Variants in SH2D4B observed in about 807,000 individuals in gnomAD.
The protein encoded by SH2D4B is SH2 domain-containing protein 4B.
A neutral mutation model predicts 61.5 loss-of-function variants in SH2D4B; 45 were observed. The observed-to-expected ratio is 0.73, with a 90% confidence interval of 0.58 to 0.94. The LOEUF is 0.94. Among genes scored for constraint, SH2D4B ranks in the 40% least tolerant of loss-of-function variants. SH2D4B has a pLI of 0.00. For synonymous variants in SH2D4B, 224 were observed against 220.4 expected, an observed-to-expected ratio of 1.02 and a Z score of -0.14; for missense variants, 572 against 574.2, an observed-to-expected ratio of 1.00 and a Z score of 0.04.
chr10:80,566,392 T>C (rs1368336643), intron 1 of SH2D4B, among the ~76,000 whole-genome samples: 1 of 150,964 alleles, frequency 6.6e-6, no homozygotes, highest in African/African-American at 2.4e-5. Context: ...GCCTCCTAGG[T>C]TGAAGCAATT....
At chr10:80,611,348 A>G (rs1157304804) in intron 6 of SH2D4B, among the ~76,000 whole-genome samples, 3 of 152,146 alleles carry the variant, frequency 2.0e-5, no homozygotes, top group Non-Finnish European at 4.4e-5. Flanking sequence ...TACAGTGGAT[A>G]GTTTCGAAGG....
chr10:80,620,912 C>A lies in SH2D4B; in HGVS notation c.988+11361C>A, dbSNP rs116068923. 7.8e-3 allele frequency among the ~76,000 whole-genome samples: 1,195 copies of A among 152,248 alleles called. 16 individuals carry two copies. The highest frequency in any genetic ancestry group is 0.028 in the African/African-American group (1,146 of 41,526). On this transcript the variant is annotated intron_variant, in intron 6 of 7. Coordinates refer to ENST00000646907, the MANE Select transcript of SH2D4B (RefSeq NM_001388272.1). Reference sequence around the variant, plus strand: ...GAGGGCCTAAGTTCCAGACACTATTCTAGACATGAAAATATAGTAGGGGAA... The same window carrying A: ...GAGGGCCTAAGTTCCAGACACTATTATAGACATGAAAATATAGTAGGGGAA...
At position 80,598,126 on chromosome 10, in the gene SH2D4B, G is replaced by T. The variant is rs535515263; in HGVS notation, c.644-5453G>T. Among the ~76,000 whole-genome samples the T allele has an allele frequency of 2.7e-4, 41 of 152,342 alleles. 1 individual carries two copies. The South Asian group carries it at 8.3e-3, about 31-fold the overall frequency. The stretch of plus-strand genomic sequence containing the variant: ...CTGTGCTAGCTCTGCCCACTTACTA[G>T]TGTGGCCTTGAGCAAGCTCTTGCTC... On this transcript the variant is annotated intron_variant, in intron 4 of 7. Coordinates refer to ENST00000646907, the MANE Select transcript of SH2D4B (RefSeq NM_001388272.1).
intron 6 of SH2D4B, among the ~76,000 whole-genome samples, chr10:80,628,901 A>C (rs1238279441): frequency 1.3e-5 from 2 of 151,990 alleles, no homozygotes; most frequent in Non-Finnish European, 2.9e-5. Flanking sequence ...ATAGTGGCGC[A>C]TGCCTGTAAT....
chr10:80,568,703 G>T (rs1394646869), intron 1 of SH2D4B, among the ~76,000 whole-genome samples: 1 of 152,194 alleles, frequency 6.6e-6, no homozygotes, highest in African/African-American at 2.4e-5. Flanking sequence ...ATGAAGAGAT[G>T]CTTTTTCAAT....
intron 6 of SH2D4B, among the ~76,000 whole-genome samples, chr10:80,629,029 CAAA>C (rs55766810): frequency 7.4e-6 from 1 of 135,344 alleles, no homozygotes; most frequent in Admixed American, 7.2e-5. Context: ...GACTCTATCT[CAAA>C]AAAAAAAAAG....
chr10:80,642,558 T>C (rs1840324542), intron 7 of SH2D4B, among the ~76,000 whole-genome samples: 1 of 152,192 alleles, frequency 6.6e-6, no homozygotes, highest in African/African-American at 2.4e-5. Flanking sequence ...ATGCTGGCTG[T>C]CATTCAGATA....
At chr10:80,569,681 C>G (rs1167284871) in intron 1 of SH2D4B, among the ~76,000 whole-genome samples, 1 of 151,418 alleles carries the variant, frequency 6.6e-6, no homozygotes, top group East Asian at 1.9e-4. Context: ...GTGTGTACAC[C>G]CTCTTTGTCT....
At chr10:80,544,154 A>G (rs1395335496) in intron 1 of SH2D4B, among the ~76,000 whole-genome samples, 1 of 152,106 alleles carries the variant, frequency 6.6e-6, no homozygotes, top group Non-Finnish European at 1.5e-5. Flanking sequence ...ATGAGCTGTA[A>G]CAGTCACTGC....
intron 1 of SH2D4B, among the ~76,000 whole-genome samples, chr10:80,549,800 C>T (rs904320427): frequency 6.6e-6 from 1 of 152,186 alleles, no homozygotes; most frequent in Non-Finnish European, 1.5e-5. Context: ...AGCTGCACAA[C>T]CTCGACTTAC....
intron 7 of SH2D4B, among the ~76,000 whole-genome samples, chr10:80,642,229 C>G (rs1160974586): frequency 6.6e-6 from 1 of 152,160 alleles, no homozygotes; most frequent in Non-Finnish European, 1.5e-5. Context: ...GTAGCTGGGA[C>G]TACAGGCATG....
At position 80,644,272 on chromosome 10, in the gene SH2D4B, AC is replaced by A. The variant is rs1840358680; in HGVS notation, c.*188del. On this transcript the variant is annotated 3_prime_UTR_variant, in exon 8 of 8. Transcript: ENST00000646907. ...TACTGGTCTCATCCCAGCGATCGGG[AC>A]AGAAATTGCTAATAGCTCATGCAAC... 1 of 561,586 alleles carries A rather than the reference AC, an allele frequency of 1.8e-6. No individual in the cohort carries two copies. Among genetic ancestry groups the A allele is most frequent in the Non-Finnish European group, 3.2e-6 (1 of 317,458 alleles). 34.8% of individuals were successfully genotyped at this position (561,586 alleles called of 1,614,324 possible).
chr10:80,572,477 C>T (rs1220344744), intron 3 of SH2D4B, among the ~76,000 whole-genome samples: 1 of 152,128 alleles, frequency 6.6e-6, no homozygotes, highest in African/African-American at 2.4e-5. Flanking sequence ...GAGTTGTTAA[C>T]GTGTGTGCAG....
At chr10:80,545,490 CCTTTT>C (rs1841664124) in intron 1 of SH2D4B, among the ~76,000 whole-genome samples, 1 of 151,816 alleles carries the variant, frequency 6.6e-6, no homozygotes, top group Admixed American at 6.6e-5. Flanking sequence ...CTCTCTTCTC[CCTTTT>C]CTTCTTCTTC....
intron 1 of SH2D4B, among the ~76,000 whole-genome samples, chr10:80,562,321 CTG>C (rs1461547655): frequency 2.0e-5 from 3 of 152,212 alleles, no homozygotes; most frequent in Non-Finnish European, 4.4e-5. Flanking sequence ...TTCTTGGAAA[CTG>C]TGACTTTAAG....
chr10:80,577,376 C>A lies in SH2D4B; in HGVS notation c.495+5798C>A, dbSNP rs555388847. 1.8e-4 allele frequency among the ~76,000 whole-genome samples: 27 copies of A among 152,266 alleles called. No homozygotes were observed. In the East Asian group the frequency reaches 5.0e-3, roughly 28 times the overall value. On this transcript the variant is annotated intron_variant, in intron 3 of 7. Coordinates refer to ENST00000646907, the MANE Select transcript of SH2D4B (RefSeq NM_001388272.1). ...GCCAAGCCCTTCCTGAATTATTAAC[C>A]TGCAGAATCATACACAAATAAAATG...
chr10:80,587,363 C>T (rs1228663644), intron 3 of SH2D4B, among the ~76,000 whole-genome samples: 1 of 151,864 alleles, frequency 6.6e-6, no homozygotes, highest in Non-Finnish European at 1.5e-5. Flanking sequence ...TCACTGCAAC[C>T]TCCTCCTTCC....
chr10:80,634,372 G>T lies in SH2D4B; in HGVS notation c.1076G>T (p.Gly359Val). 1 of 1,550,580 alleles carries T rather than the reference G, an allele frequency of 6.4e-7. No homozygotes were observed. The highest frequency in any genetic ancestry group is 8.7e-7 in the Non-Finnish European group (1 of 1,146,984). Residue 359 changes from glycine to valine, a missense_variant, in exon 7 of 8, where the codon GGT becomes GTT. Coordinates refer to ENST00000646907, the MANE Select transcript of SH2D4B (RefSeq NM_001388272.1). The part of the protein sequence containing the change: ...FLVRVSEKIW[G>V]YTLSYRLQKG... ...GTCCGGGTCAGTGAGAAAATCTGGG[G>T]TTACACCCTCTCCTACCGCCTGCAG...
chr10:80,589,908 G>T (rs1282677100), intron 4 of SH2D4B, among the ~76,000 whole-genome samples: 1 of 152,220 alleles, frequency 6.6e-6, no homozygotes, highest in African/African-American at 2.4e-5. Context: ...AAGAAGCTAG[G>T]TGGGGAAGGG....
Sources: allele counts gnomAD v4.1 joint callset (sites outside exome capture counted in the v4.1 genomes callset), GRCh38; gene constraint gnomAD v4.1.1; transcripts MANE v1.5; gene names NCBI Gene and HGNC (gene_info 2026-07-23, HGNC 2026-07-21).